Variants in ATP8A1 observed in about 807,000 individuals in gnomAD.
ATP8A1 encodes phospholipid-transporting ATPase IA.
In ATP8A1, 90 loss-of-function variants were observed where a neutral mutation model predicts 177.7. The observed-to-expected ratio is 0.51, with a 90% CI of 0.43 to 0.60. The LOEUF (loss-of-function observed/expected upper bound fraction) is 0.60, where lower values mean the gene tolerates loss of function less well. ATP8A1 is among the 20% of genes least tolerant of loss of function. The probability of loss-of-function intolerance (pLI) is 0.00; values close to 1 mark genes in which losing one functional copy is unlikely to be tolerated. For missense variants in ATP8A1, 1,072 were observed against 1,392.8 expected, an observed-to-expected ratio of 0.77 and a Z score of 3.67; for synonymous variants, 493 against 485.9, an observed-to-expected ratio of 1.01 and a Z score of -0.19.
intron 23 of ATP8A1, among the ~76,000 whole-genome samples, chr4:42,506,197 G>A (rs896461480): frequency 1.3e-5 from 2 of 152,214 alleles, no homozygotes; most frequent in Non-Finnish European, 2.9e-5. Flanking sequence ...CCAGTCACTA[G>A]TATGGTGACA....
At chr4:42,437,466 T>C (rs1716124110) in intron 33 of ATP8A1, among the ~76,000 whole-genome samples, 1 of 152,142 alleles carries the variant, frequency 6.6e-6, no homozygotes, top group Non-Finnish European at 1.5e-5. Context: ...ATCACAACCA[T>C]ATTTGTGAGA....
chr4:42,595,640 A>G (rs79320146), intron 6 of ATP8A1, among the ~76,000 whole-genome samples: 2,600 of 152,318 alleles, frequency 0.017, 35 homozygotes, highest in Non-Finnish European at 0.029. Context: ...AAAGATAATA[A>G]AATGTAAATT....
intron 5 of ATP8A1, among the ~76,000 whole-genome samples, chr4:42,600,799 G>T (rs1277530680): frequency 1.3e-5 from 2 of 152,136 alleles, no homozygotes; most frequent in Non-Finnish European, 2.9e-5. Flanking sequence ...GGCTCAGCTG[G>T]AGGAGAAAGC....
chr4:42,547,920 C>T (rs1415649147), intron 19 of ATP8A1, among the ~76,000 whole-genome samples: 1 of 152,160 alleles, frequency 6.6e-6, no homozygotes, highest in Non-Finnish European at 1.5e-5. Flanking sequence ...CCTTGAGCAG[C>T]AGCATTACTT....
chr4:42,415,871 T>C (rs773891088), intron 35 of ATP8A1, among the ~76,000 whole-genome samples: 54 of 152,186 alleles, frequency 3.5e-4, no homozygotes, highest in Non-Finnish European at 6.8e-4. Context: ...ATGCAAACAT[T>C]TAGGCAAAAA....
chr4:42,578,801 A>G (rs895852227), intron 11 of ATP8A1, among the ~76,000 whole-genome samples: 3 of 152,114 alleles, frequency 2.0e-5, no homozygotes. Flanking sequence ...AGCAAAAACA[A>G]TCCAAACTAT....
chr4:42,586,593 A>G, intron 8 of ATP8A1, 117 bp from the exon 9 acceptor site: 7 of 1,003,090 alleles, frequency 7.0e-6, no homozygotes, highest in Non-Finnish European at 1.0e-5. Flanking sequence ...TATTTTTATA[A>G]GCAATTCTCC....
chr4:42,470,764 C>T (rs78870858), intron 25 of ATP8A1, among the ~76,000 whole-genome samples: 5,751 of 152,128 alleles, frequency 0.038, 361 homozygotes, highest in African/African-American at 0.13. Context: ...TGACCAAGCC[C>T]AGTATTTACT....
intron 33 of ATP8A1, among the ~76,000 whole-genome samples, chr4:42,428,937 C>T (rs1714939080): frequency 6.6e-6 from 1 of 152,172 alleles, no homozygotes; most frequent in African/African-American, 2.4e-5. Context: ...GCACCTATCA[C>T]CCATTTTCTA....
At chr4:42,608,351 G>A (rs569779155) in intron 5 of ATP8A1, among the ~76,000 whole-genome samples, 2 of 146,288 alleles carry the variant, frequency 1.4e-5, no homozygotes, top group Non-Finnish European at 3.0e-5. Flanking sequence ...GCCCTCCCCG[G>A]GCAATAATAT....
intron 35 of ATP8A1, among the ~76,000 whole-genome samples, chr4:42,421,365 G>T (rs1036754830): frequency 6.6e-6 from 1 of 152,138 alleles, no homozygotes; most frequent in Admixed American, 6.5e-5. Context: ...GCAGAATTGT[G>T]AATGGTTCAG....
At chr4:42,588,951 T>A (rs534404037) in intron 7 of ATP8A1, among the ~76,000 whole-genome samples, 2 of 152,228 alleles carry the variant, frequency 1.3e-5, no homozygotes, top group Non-Finnish European at 2.9e-5. Flanking sequence ...CCTATTAAAG[T>A]TGCTTGAGAG....
At chr4:42,652,492 C>CT (rs1741192633) in intron 1 of ATP8A1, among the ~76,000 whole-genome samples, 1 of 151,996 alleles carries the variant, frequency 6.6e-6, no homozygotes, top group African/African-American at 2.4e-5. Context: ...TTGAGACTTG[C>CT]TTTTTTCAAA....
At chr4:42,421,452 C>T (rs944069379) in intron 35 of ATP8A1, among the ~76,000 whole-genome samples, 4 of 152,080 alleles carry the variant, frequency 2.6e-5, no homozygotes, top group Non-Finnish European at 4.4e-5. Flanking sequence ...CTTCATCTCT[C>T]GAAGCCCCAG....
intron 1 of ATP8A1, among the ~76,000 whole-genome samples, chr4:42,634,463 T>A (rs1739071157): frequency 6.6e-6 from 1 of 152,226 alleles, no homozygotes; most frequent in African/African-American, 2.4e-5. Flanking sequence ...AATAGAATTC[T>A]CTTTACAGCC....
chr4:42,496,808 C>A (rs1340734512), intron 24 of ATP8A1, among the ~76,000 whole-genome samples: 2 of 151,948 alleles, frequency 1.3e-5, no homozygotes, highest in African/African-American at 4.8e-5. Flanking sequence ...ATATACCCCC[C>A]CCCACACATA....
chr4:42,435,462 A>AC lies in ATP8A1; in HGVS notation c.3123+8102_3123+8103insG, dbSNP rs1560320660. Among the ~76,000 whole-genome samples, 82 of 92,662 alleles carry AC rather than the reference A, an allele frequency of 8.8e-4. 2 individuals carry two copies. The highest frequency in any genetic ancestry group is 3.3e-3 in the African/African-American group (78 of 23,358). 60.8% of individuals were successfully genotyped at this position (92,662 alleles called of 152,430 possible). A position where few individuals can be genotyped will look rare whatever the true frequency, so the allele number is the denominator to read the frequency against. On this transcript the variant is annotated intron_variant, in intron 33 of 36. Coordinates refer to ENST00000381668, the MANE Select transcript of ATP8A1 (RefSeq NM_006095.2). ...AAAAAAAAAAAAACAAAAAAAAAAAAACAAACTATCTCCAGTTATGAGCTT... is the reference window on the plus strand; with the variant it reads ...AAAAAAAAAAAAACAAAAAAAAAAAACACAAACTATCTCCAGTTATGAGCTT...
At chr4:42,529,192 A>C (rs148209949) in intron 20 of ATP8A1, among the ~76,000 whole-genome samples, 109 of 152,252 alleles carry the variant, frequency 7.2e-4, no homozygotes, top group African/African-American at 2.5e-3. Context: ...TAGCAGATTC[A>C]ATGGTATTTG....
chr4:42,454,733 G>T (rs75487533), intron 29 of ATP8A1, among the ~76,000 whole-genome samples: 7,584 of 152,010 alleles, frequency 0.05, 644 homozygotes, highest in African/African-American at 0.17. Flanking sequence ...ATAAACTGTT[G>T]GATATTTTAT....
Sources: allele counts gnomAD v4.1 joint callset (sites outside exome capture counted in the v4.1 genomes callset), GRCh38; gene constraint gnomAD v4.1.1; transcripts MANE v1.5; gene names NCBI Gene and HGNC (gene_info 2026-07-23, HGNC 2026-07-21).